CSMD1: variants seen among roughly 807,000 people sequenced by gnomAD.
CSMD1 encodes CUB and sushi domain-containing protein 1.
CSMD1 carries 213 observed loss-of-function variants against 417.5 expected under a neutral mutation model. The ratio of observed to expected loss-of-function variants is 0.51; its 90% CI spans 0.46 to 0.57. The LOEUF is 0.57. Ranked by LOEUF, CSMD1 falls within the 20% of genes least tolerant of loss-of-function variation. The pLI is 0.00. For missense variants in CSMD1, 6,923 were observed against 4,529.7 expected, an observed-to-expected ratio of 1.53 and a Z score of -15.17; for synonymous variants, 2,862 against 1,736.8, an observed-to-expected ratio of 1.65 and a Z score of -16.11.
chr8:4,470,398 A>G (rs1800458731), intron 2 of CSMD1, among the ~76,000 whole-genome samples: 1 of 152,182 alleles, frequency 6.6e-6, no homozygotes, highest in Non-Finnish European at 1.5e-5. Flanking sequence ...TATCTGTAGA[A>G]TTATCACCTG....
intron 68 of CSMD1, among the ~76,000 whole-genome samples, chr8:2,946,484 T>C (rs1258540670): frequency 6.6e-6 from 1 of 152,236 alleles, no homozygotes; most frequent in Non-Finnish European, 1.5e-5. Context: ...AATGGATTCA[T>C]AGACTATTTG....
intron 3 of CSMD1, among the ~76,000 whole-genome samples, chr8:4,209,376 C>T (rs1022603848): frequency 6.6e-6 from 1 of 152,168 alleles, no homozygotes; most frequent in Non-Finnish European, 1.5e-5. Flanking sequence ...AGATTCCCAT[C>T]CTTCTGATGC....
intron 10 of CSMD1, among the ~76,000 whole-genome samples, chr8:3,569,592 C>A (rs1282315691): frequency 2.0e-5 from 3 of 152,210 alleles, no homozygotes; most frequent in African/African-American, 4.8e-5. Flanking sequence ...AAATGCTTCA[C>A]TGATGCTTCT....
chr8:4,882,794 TC>T lies in CSMD1; in HGVS notation c.85+111537del, dbSNP rs537892744. Among the ~76,000 whole-genome samples, 465 of 152,118 alleles carry T rather than the reference TC, an allele frequency of 3.1e-3. 2 individuals carry two copies. The highest frequency in any genetic ancestry group is 0.011 in the African/African-American group (445 of 41,462). On this transcript the variant is annotated intron_variant, in intron 1 of 69. Coordinates refer to ENST00000635120, the MANE Select transcript of CSMD1 (RefSeq NM_033225.6). Reference sequence around the variant, plus strand: ...AGAATGCCTTACACTGAACACTTCCTCCTTTTTCAGTAACAAACTGAGGAAA... The same window carrying T: ...AGAATGCCTTACACTGAACACTTCCTCTTTTTCAGTAACAAACTGAGGAAA...
chr8:4,103,519 T>G (rs1801411894), intron 3 of CSMD1, among the ~76,000 whole-genome samples: 1 of 151,330 alleles, frequency 6.6e-6, no homozygotes, highest in South Asian at 2.1e-4. Context: ...TATATAAATG[T>G]AAATATATAT....
At position 3,980,326 on chromosome 8, in the gene CSMD1, G is replaced by A. The variant is rs150511458; in HGVS notation, c.818+17577C>T. Among the ~76,000 whole-genome samples, 167 of 152,210 alleles carry A rather than the reference G, an allele frequency of 1.1e-3. 1 individual carries two copies. The highest frequency in any genetic ancestry group is 3.9e-3 in the African/African-American group (161 of 41,544). On this transcript the variant is annotated intron_variant, in intron 5 of 69. Transcript: ENST00000635120. ...TCTTGTCACACTGTAATATGCGTCC[G>A]GAAGCAGTTCTGAGATAATCCTGAA...
At chr8:4,872,534 A>C (rs528267960) in intron 1 of CSMD1, among the ~76,000 whole-genome samples, 16 of 152,154 alleles carry the variant, frequency 1.1e-4, no homozygotes, top group African/African-American at 3.9e-4. Context: ...CATCATTGTA[A>C]GTTTCCTGAG....
rs751364817 is a variant in CSMD1, at chr8:3,142,491, C to G, written c.6215G>C (p.Arg2072Pro). ...IHFYSDHSQN[R>P]QGFKLAYQAY... is the part of the protein sequence containing the mutation. ...TTGGTAAGCAAGTTTAAATCCTTGC[C>G]GGTTTTGCGAATGGTCACTATAAAA... Residue 2072 changes from arginine (R) to proline (P), a missense_variant, in exon 41 of 70, where the codon CGG (arginine) becomes CCG (proline). Transcript: ENST00000635120. 1.9e-6 allele frequency: 3 copies of G among 1,613,570 alleles called. No homozygotes were observed. Among genetic ancestry groups the G allele is most frequent in the East Asian group, 2.2e-5 (1 of 44,878 alleles).
At chr8:4,454,269 A>T (rs1020386164) in intron 2 of CSMD1, among the ~76,000 whole-genome samples, 1 of 152,098 alleles carries the variant, frequency 6.6e-6, no homozygotes, top group Non-Finnish European at 1.5e-5. Context: ...TCACTGCCTA[A>T]CTGGACTCCT....
At chr8:4,874,464 A>G (rs1802922101) in intron 1 of CSMD1, among the ~76,000 whole-genome samples, 2 of 141,106 alleles carry the variant, frequency 1.4e-5, no homozygotes, top group Non-Finnish European at 3.0e-5. Context: ...TTCTCGACTC[A>G]CTGCAATCTC....
chr8:4,165,517 C>A (rs1489226796), intron 3 of CSMD1, among the ~76,000 whole-genome samples: 1 of 152,190 alleles, frequency 6.6e-6, no homozygotes, highest in Admixed American at 6.5e-5. Context: ...CATCCTCCCA[C>A]CTCAGCCTGC....
At chr8:4,557,073 A>G (rs1201354396) in intron 2 of CSMD1, among the ~76,000 whole-genome samples, 4 of 152,196 alleles carry the variant, frequency 2.6e-5, no homozygotes, top group African/African-American at 9.6e-5. Context: ...ATGGGTCATG[A>G]AACATACTTT....
intron 7 of CSMD1, among the ~76,000 whole-genome samples, chr8:3,628,278 C>T (rs995092041): frequency 1.1e-4 from 16 of 152,084 alleles, no homozygotes; most frequent in African/African-American, 3.9e-4. Context: ...AAAACAATCA[C>T]AAAAGCCCAG....
At chr8:4,566,290 A>C (rs930933040) in intron 2 of CSMD1, among the ~76,000 whole-genome samples, 4 of 152,190 alleles carry the variant, frequency 2.6e-5, no homozygotes, top group Non-Finnish European at 5.9e-5. Context: ...TATTGACAAA[A>C]TACATTTAGA....
At chr8:2,950,555 G>C (rs1437367317) in intron 66 of CSMD1, among the ~76,000 whole-genome samples, 1 of 151,962 alleles carries the variant, frequency 6.6e-6, no homozygotes, top group East Asian at 1.9e-4. Flanking sequence ...TCTTGAATAG[G>C]TATAATCCAC....
intron 2 of CSMD1, among the ~76,000 whole-genome samples, chr8:4,461,010 TCAAAA>T (rs1466541916): frequency 2.6e-5 from 4 of 152,058 alleles, no homozygotes; most frequent in Admixed American, 6.6e-5. Flanking sequence ...ACAAAAATGC[TCAAAA>T]CAAATCAAGA....
intron 1 of CSMD1, among the ~76,000 whole-genome samples, chr8:4,767,897 T>A (rs181076332): frequency 6.6e-6 from 1 of 152,186 alleles, no homozygotes; most frequent in Non-Finnish European, 1.5e-5. Flanking sequence ...GCACATCTTA[T>A]TGTAAAAGAT....
At chr8:3,230,386 G>A (rs1490426378) in intron 26 of CSMD1, among the ~76,000 whole-genome samples, 155 bp from the exon 27 acceptor site, 1 of 151,980 alleles carries the variant, frequency 6.6e-6, no homozygotes, top group African/African-American at 2.4e-5. Flanking sequence ...TTTTCCCAGG[G>A]GTACATTCAA....
chr8:4,153,710 A>G (rs1442808796), intron 3 of CSMD1, among the ~76,000 whole-genome samples: 1 of 152,206 alleles, frequency 6.6e-6, no homozygotes, highest in African/African-American at 2.4e-5. Context: ...GCAGTCCCAC[A>G]GATATAAGAA....
Sources: allele counts gnomAD v4.1 joint callset (sites outside exome capture counted in the v4.1 genomes callset), GRCh38; gene constraint gnomAD v4.1.1; transcripts MANE v1.5; gene names NCBI Gene and HGNC (gene_info 2026-07-23, HGNC 2026-07-21).